LETM1: variants seen among roughly 807,000 people sequenced by gnomAD.
LETM1 encodes leucine zipper and EF-hand containing transmembrane protein 1.
LETM1 carries 50 observed loss-of-function variants against 74.5 expected under a neutral mutation model. The ratio of observed to expected loss-of-function variants is 0.67; its 90% confidence interval spans 0.53 to 0.85. The LOEUF (loss-of-function observed/expected upper bound fraction) is 0.85. Among genes scored for constraint, LETM1 ranks in the 40% least tolerant of loss-of-function variants. The probability of loss-of-function intolerance (pLI) is 0.00; values close to 1 mark genes in which losing one functional copy is unlikely to be tolerated. For synonymous variants in LETM1, 446 were observed against 407.1 expected, an observed-to-expected ratio of 1.10 and a Z score of -1.15; for missense variants, 824 against 967.8, an observed-to-expected ratio of 0.85 and a Z score of 1.97.
intron 1 of LETM1, among the ~76,000 whole-genome samples, chr4:1,854,623 T>C (rs1364261220): frequency 6.6e-6 from 1 of 150,982 alleles, no homozygotes; most frequent in Non-Finnish European, 1.5e-5. Flanking sequence ...GAGAAAACAG[T>C]CTCTACTAAA....
chr4:1,823,703 C>G lies in LETM1; in HGVS notation c.1273G>C (p.Asp425His). Residue 425 changes from aspartate (D) to histidine (H), a missense_variant, in exon 8 of 14, where the codon GAC becomes CAC. Physicochemically the swap from Asp to His is moderately conservative, Grantham distance 81 (BLOSUM62 -1). This residue lies in a region of LETM1 where 172 missense variants were observed against 170.7 expected (regional missense o/e 1.01). Transcript: ENST00000302787. Reference protein sequence around the residue: ...LILSRAMYLPDTLSPADQLKS... With the variant: ...LILSRAMYLPHTLSPADQLKS... The stretch of plus-strand genomic sequence containing the variant: ...AGCTGGTCGGCTGGAGAGAGGGTGT[C>G]CGGGAGGTACATGGCCCGGGACAGG... 6.2e-7 allele frequency: 1 copy of G among 1,613,918 alleles called. No individual in the cohort carries two copies. Among genetic ancestry groups the G allele is most frequent in the Non-Finnish European group, 8.5e-7 (1 of 1,179,956 alleles).
rs908718711 is a variant in LETM1, at chr4:1,834,389, A to C, written c.876+456T>G. ...CCTCACTCACCACATGACCGCAGGA[A>C]ACCTCAAGGGCCGCTCCTCCTCTCC... is the stretch of plus-strand genomic sequence containing the variant. On this transcript the variant is annotated intron_variant, in intron 5 of 13. Transcript: ENST00000302787. This position sits in a 1 kb window ranked among gnomAD's most constrained non-coding sequence, Gnocchi z 5.0. 3.0e-6 allele frequency: 3 copies of C among 991,362 alleles called. No homozygotes were observed. Among genetic ancestry groups the C allele is most frequent in the South Asian group, 9.2e-5 (2 of 21,748 alleles). The allele number at this position is 991,362 out of a possible 1,614,324, so 61.4% of individuals were successfully genotyped here.
At chr4:1,855,821 G>T (rs932877664) in intron 1 of LETM1, 48 bp downstream of exon 1, 2 of 1,120,470 alleles carry the variant, frequency 1.8e-6, no homozygotes, top group South Asian at 4.3e-5. Flanking sequence ...CCGCGCTCCC[G>T]ACCCACCAGC....
At chr4:1,832,721 G>A in intron 6 of LETM1, 23 bp downstream of exon 6, 3 of 1,607,880 alleles carry the variant, frequency 1.9e-6, no homozygotes, top group Non-Finnish European at 1.7e-6. Context: ...CAGAGCTGTG[G>A]CGCGGAGTAT....
At chr4:1,822,894 G>A in intron 9 of LETM1, 94 bp downstream of exon 9, 1 of 1,156,918 alleles carries the variant, frequency 8.6e-7, no homozygotes, top group Non-Finnish European at 1.1e-6. Flanking sequence ...TGCAGGGCAA[G>A]CATGCGGGAG....
At chr4:1,817,506 A>C (rs1711610202) in intron 11 of LETM1, among the ~76,000 whole-genome samples, 1 of 152,116 alleles carries the variant, frequency 6.6e-6, no homozygotes, top group African/African-American at 2.4e-5. Context: ...GGCTGCAGTG[A>C]GCCAAGATCA....
chr4:1,830,595 C>G (rs112226235), intron 6 of LETM1, among the ~76,000 whole-genome samples: 3,449 of 152,302 alleles, frequency 0.023, 128 homozygotes, highest in African/African-American at 0.08. Context: ...TGGCCTCCCA[C>G]AGTGCTGGGA....
At chr4:1,828,369 G>C (rs1380143221) in intron 6 of LETM1, among the ~76,000 whole-genome samples, 2 of 112,930 alleles carry the variant, frequency 1.8e-5, no homozygotes, top group East Asian at 5.9e-4. Context: ...GGCTGGCCGG[G>C]CGGGGGGCTG....
At chr4:1,829,001 C>A (rs1371165525) in intron 6 of LETM1, among the ~76,000 whole-genome samples, 1 of 115,620 alleles carries the variant, frequency 8.6e-6, no homozygotes, top group Non-Finnish European at 1.8e-5. Flanking sequence ...TGACCCCCCC[C>A]CACCTCCCTC....
intron 6 of LETM1, among the ~76,000 whole-genome samples, 169 bp from the exon 7 acceptor site, chr4:1,825,852 G>A (rs1711969320): frequency 6.6e-6 from 1 of 152,150 alleles, no homozygotes; most frequent in African/African-American, 2.4e-5. Context: ...CTGTGACGGA[G>A]GGTCAGGATC....
chr4:1,816,928 T>A lies in LETM1; in HGVS notation c.1744-14A>T. Reference sequence around the variant, plus strand: ...CTCCTGCAAGTCCTAATAAAATTATTTTGGTTGTAAAAAGTTTGTCTTAAA... The same window carrying A: ...CTCCTGCAAGTCCTAATAAAATTATATTGGTTGTAAAAAGTTTGTCTTAAA... On this transcript the variant is annotated splice_polypyrimidine_tract_variant and intron_variant, in intron 11 of 13. Coordinates refer to ENST00000302787, the MANE Select transcript of LETM1 (RefSeq NM_012318.3). The A allele has an allele frequency of 1.2e-6, 2 of 1,605,404 alleles. No individual in the cohort carries two copies. Among genetic ancestry groups the A allele is most frequent in the Non-Finnish European group, 1.7e-6 (2 of 1,173,848 alleles).
In LETM1 at chr4:1,813,964, C is replaced by A. The variant is rs993557749; in HGVS notation, c.*460G>T. ...ACTGAAATCTAGAAATCAAGGTCCA[C>A]AGGCGAATGGAGGCATCTTCAGCCC... On this transcript the variant is annotated 3_prime_UTR_variant, in exon 14 of 14. Transcript: ENST00000302787. The A allele has an allele frequency of 3.3e-5, 6 of 184,576 alleles. No homozygotes were observed. Among genetic ancestry groups the A allele is most frequent in the Middle Eastern group, 2.7e-3 (1 of 374 alleles). 11.4% of individuals were successfully genotyped at this position (184,576 alleles called of 1,614,324 possible). A position where few individuals can be genotyped will look rare whatever the true frequency, so the allele number is the denominator to read the frequency against.
intron 3 of LETM1, among the ~76,000 whole-genome samples, chr4:1,837,043 G>A (rs1466701347): frequency 1.3e-5 from 2 of 152,148 alleles, no homozygotes. Context: ...AAAAACCCAA[G>A]TATTTCATTG....
intron 3 of LETM1, among the ~76,000 whole-genome samples, chr4:1,840,111 C>T (rs533753996): frequency 8.3e-4 from 127 of 152,338 alleles, no homozygotes; most frequent in African/African-American, 3.0e-3. Flanking sequence ...GGCACAGTGG[C>T]CCACGCCTAT....
At chr4:1,821,346 C>A (rs1316206831) in intron 10 of LETM1, among the ~76,000 whole-genome samples, 3 of 151,616 alleles carry the variant, frequency 2.0e-5, no homozygotes, top group Non-Finnish European at 4.4e-5. Flanking sequence ...CCCACCTCGG[C>A]CTCCCAAAAT....
At chr4:1,826,821 C>G (rs1261040147) in intron 6 of LETM1, among the ~76,000 whole-genome samples, 1 of 152,264 alleles carries the variant, frequency 6.6e-6, no homozygotes, top group Non-Finnish European at 1.5e-5. Context: ...CTCTGGTGGT[C>G]TGGAGTCTGT....
At position 1,825,764 on chromosome 4, in the gene LETM1, G is replaced by C. The variant is rs1711966639; in HGVS notation, c.1081-81C>G. ...TCTGTGTGAACACCCTCCAGAATAA[G>C]TGGCTAACAGATTTTGCCAAGCAAG... On this transcript the variant is annotated intron_variant, in intron 6 of 13. Transcript: ENST00000302787. The C allele has an allele frequency of 2.0e-6, 3 of 1,469,032 alleles. No individual in the cohort carries two copies. The Admixed American group carries it at 6.3e-5, about 31-fold the overall frequency. 91.0% of individuals were successfully genotyped at this position (1,469,032 alleles called of 1,614,324 possible). A position where few individuals can be genotyped will look rare whatever the true frequency, so the allele number is the denominator to read the frequency against.
intron 4 of LETM1, among the ~76,000 whole-genome samples, chr4:1,835,427 C>T (rs1404913025): frequency 6.6e-6 from 1 of 151,316 alleles, no homozygotes; most frequent in South Asian, 2.1e-4. Flanking sequence ...GGTGACAGAG[C>T]GAAACTCCGT....
intron 2 of LETM1, among the ~76,000 whole-genome samples, chr4:1,847,370 C>T (rs1481694501): frequency 6.6e-6 from 1 of 151,698 alleles, no homozygotes; most frequent in African/African-American, 2.4e-5. Flanking sequence ...AGTAATATTC[C>T]TTCCCAACTG....
Sources: gnomAD v4.1 joint callset for allele counts (sites outside exome capture counted in the v4.1 genomes callset) on GRCh38, gnomAD v4.1.1 for gene constraint, gnomAD v4.1.1 regional missense constraint, Gnocchi (gnomAD v3.1) non-coding constraint, MANE v1.5 for transcripts, NCBI Gene and HGNC (gene_info 2026-07-23, HGNC 2026-07-21) for gene names.